MSRA: variants seen among roughly 807,000 people sequenced by gnomAD.
MSRA encodes the protein methionine sulfoxide reductase A.
MSRA carries 54 observed loss-of-function variants against 31.3 expected under a neutral mutation model. The observed-to-expected ratio is 1.73, with a 90% CI of 1.39 to 2.17. MSRA has a LOEUF of 2.17. Among genes scored for constraint, MSRA ranks in the 30% most tolerant of loss-of-function variants. The probability of loss-of-function intolerance (pLI) is 0.00; values close to 1 mark genes in which losing one functional copy is unlikely to be tolerated. For missense variants in MSRA, 507 were observed against 300.9 expected, an observed-to-expected ratio of 1.69 and a Z score of -5.07; for synonymous variants, 169 against 116.5, an observed-to-expected ratio of 1.45 and a Z score of -2.90.
At chr8:10,209,728 T>C (rs1025426944) in intron 2 of MSRA, among the ~76,000 whole-genome samples, 2 of 152,178 alleles carry the variant, frequency 1.3e-5, no homozygotes, top group African/African-American at 4.8e-5. Context: ...CTCTAGGCCC[T>C]TGGCCTTTAC....
chr8:10,098,456 AT>A (rs1381062664), intron 1 of MSRA, among the ~76,000 whole-genome samples: 1 of 152,168 alleles, frequency 6.6e-6, no homozygotes, highest in Admixed American at 6.5e-5. Context: ...TCATTTATTC[AT>A]TTATTCAACA....
chr8:10,358,514 G>C (rs182188940), intron 5 of MSRA, among the ~76,000 whole-genome samples: 49 of 148,882 alleles, frequency 3.3e-4, no homozygotes, highest in Non-Finnish European at 6.1e-4. Context: ...AGGTGAGCTG[G>C]CATTACCACC....
chr8:10,233,691 A>G (rs367801407), intron 2 of MSRA, among the ~76,000 whole-genome samples: 104 of 152,368 alleles, frequency 6.8e-4, no homozygotes, highest in African/African-American at 2.4e-3. Context: ...GACACAGAGG[A>G]TAAGTTGAGA....
chr8:10,368,030 C>T (rs996723698), intron 5 of MSRA, among the ~76,000 whole-genome samples: 5 of 152,074 alleles, frequency 3.3e-5, no homozygotes, highest in South Asian at 4.2e-4. Flanking sequence ...GTGGAGCTGC[C>T]GGACGGTAGA....
chr8:10,284,960 C>T (rs1217889473), intron 3 of MSRA, among the ~76,000 whole-genome samples: 6 of 151,366 alleles, frequency 4.0e-5, no homozygotes, highest in Non-Finnish European at 7.4e-5. Flanking sequence ...TAAAGACATT[C>T]GTGTAGCAAC....
At chr8:10,359,084 G>A (rs1333046599) in intron 5 of MSRA, among the ~76,000 whole-genome samples, 1 of 152,168 alleles carries the variant, frequency 6.6e-6, no homozygotes, top group African/African-American at 2.4e-5. Flanking sequence ...ATAGTGTGAA[G>A]CATGTGATGT....
chr8:10,244,474 A>T (rs931152640), intron 2 of MSRA, among the ~76,000 whole-genome samples: 4 of 152,148 alleles, frequency 2.6e-5, no homozygotes, highest in Non-Finnish European at 5.9e-5. Flanking sequence ...TATTGTTGTC[A>T]TTCTCTCCCT....
chr8:10,096,529 C>T (rs1198798853), intron 1 of MSRA, among the ~76,000 whole-genome samples: 1 of 152,108 alleles, frequency 6.6e-6, no homozygotes, highest in Non-Finnish European at 1.5e-5. Flanking sequence ...AAGTGGTGAG[C>T]TGTGTTTGCA....
intron 5 of MSRA, among the ~76,000 whole-genome samples, chr8:10,396,361 C>T (rs1205773930): frequency 6.6e-6 from 1 of 152,128 alleles, no homozygotes; most frequent in Non-Finnish European, 1.5e-5. Flanking sequence ...ATTTTAATAA[C>T]GTCTCATTTT....
chr8:10,074,978 C>A (rs1240297206), intron 1 of MSRA, among the ~76,000 whole-genome samples: 1 of 152,142 alleles, frequency 6.6e-6, no homozygotes, highest in African/African-American at 2.4e-5. Flanking sequence ...TCTTTTTTCT[C>A]TTTGCCATGC....
intron 1 of MSRA, among the ~76,000 whole-genome samples, chr8:10,093,165 A>T (rs1798943051): frequency 6.6e-6 from 1 of 152,074 alleles, no homozygotes; most frequent in South Asian, 2.1e-4. Context: ...TTTTAATTGG[A>T]GTGTTTAATT....
intron 4 of MSRA, among the ~76,000 whole-genome samples, chr8:10,318,399 G>C (rs982205450): frequency 1.3e-5 from 2 of 152,090 alleles, no homozygotes; most frequent in African/African-American, 4.8e-5. Context: ...CCCTCGTCCT[G>C]GTTATTCCTT....
chr8:10,209,544 TA>T (rs1809293898), intron 2 of MSRA, among the ~76,000 whole-genome samples: 1 of 152,180 alleles, frequency 6.6e-6, no homozygotes, highest in Non-Finnish European at 1.5e-5. Flanking sequence ...TTTTTTATTT[TA>T]TTTTATTTTA....
At chr8:10,295,518 C>T (rs1032737110) in intron 3 of MSRA, among the ~76,000 whole-genome samples, 1 of 152,198 alleles carries the variant, frequency 6.6e-6, no homozygotes, top group African/African-American at 2.4e-5. Flanking sequence ...GGACCCCACG[C>T]AGGCCGAGCT....
At chr8:10,113,618 A>T (rs187873238) in intron 1 of MSRA, among the ~76,000 whole-genome samples, 7 of 152,044 alleles carry the variant, frequency 4.6e-5, no homozygotes, top group Non-Finnish European at 7.4e-5. Context: ...GGCCATTAAG[A>T]AAGAGAATGA....
chr8:10,159,877 A>G (rs1347246148), intron 1 of MSRA, among the ~76,000 whole-genome samples: 1 of 152,200 alleles, frequency 6.6e-6, no homozygotes, highest in Admixed American at 6.5e-5. Flanking sequence ...TTTGAGATAC[A>G]TGCCTAATTT....
intron 1 of MSRA, 32 bp downstream of exon 1, chr8:10,054,690 G>C (rs1452624256): frequency 6.7e-7 from 1 of 1,483,382 alleles, no homozygotes; most frequent in South Asian, 1.3e-5. Flanking sequence ...GGCGCGGGCG[G>C]CGACGCTGCG....
intron 5 of MSRA, among the ~76,000 whole-genome samples, chr8:10,389,899 G>T (rs1187916990): frequency 1.3e-5 from 2 of 151,630 alleles, no homozygotes. Flanking sequence ...AATCGCCCAT[G>T]GTGCACGGAG....
At chr8:10,235,705 G>T (rs998150546) in intron 2 of MSRA, among the ~76,000 whole-genome samples, 1 of 152,156 alleles carries the variant, frequency 6.6e-6, no homozygotes, top group South Asian at 2.1e-4. Context: ...CCAAAGTCCA[G>T]GTGCTTCAGG....
Sources: gnomAD v4.1 joint callset for allele counts (sites outside exome capture counted in the v4.1 genomes callset) on GRCh38, gnomAD v4.1.1 for gene constraint, MANE v1.5 for transcripts, NCBI Gene and HGNC (gene_info 2026-07-23, HGNC 2026-07-21) for gene names.